The following RPRD1A variants were observed in gnomAD, a reference collection of about 807,000 sequenced individuals.
RPRD1A encodes the protein regulation of nuclear pre-mRNA domain containing 1A.
A neutral mutation model predicts 37.8 loss-of-function variants in RPRD1A; 9 were observed. The ratio of observed to expected loss-of-function variants is 0.24; its 90% CI spans 0.14 to 0.42. RPRD1A has a LOEUF of 0.42. Ranked by LOEUF, RPRD1A falls within the 10% of genes least tolerant of loss-of-function variation. The pLI is 1.00. For missense variants in RPRD1A, 255 were observed against 371.0 expected (o/e 0.69, Z 2.57); for synonymous variants, 138 against 139.7 (o/e 0.99, Z 0.08).
In RPRD1A at chr18:36,033,299, C is replaced by CCAAAA. The variant is rs1348356259; in HGVS notation, c.281+408_281+409insTTTTG. Among the ~76,000 whole-genome samples, 19 of 75,924 alleles carry CCAAAA rather than the reference C, an allele frequency of 2.5e-4. 1 individual carries two copies. The highest frequency in any genetic ancestry group is 1.0e-3 in the African/African-American group (18 of 17,184). The allele number at this position is 75,924 out of a possible 152,430, so 49.8% of individuals were successfully genotyped here. A position where few individuals can be genotyped will look rare whatever the true frequency, so the allele number is the denominator to read the frequency against. ...CCTGGGTGAGAGTGAGACTCTGTCT[C>CCAAAA]AAAAAAAAAAAAAAAAAAAAAAAAA... On this transcript the variant is annotated intron_variant, in intron 2 of 6. Coordinates refer to ENST00000399022, the MANE Select transcript of RPRD1A (RefSeq NM_018170.5).
chr18:36,054,525 G>A (rs1303433695), intron 1 of RPRD1A, among the ~76,000 whole-genome samples: 2 of 152,124 alleles, frequency 1.3e-5, no homozygotes, highest in Non-Finnish European at 2.9e-5. Flanking sequence ...TAAAATGTTA[G>A]TAAATCTAGA....
intron 1 of RPRD1A, among the ~76,000 whole-genome samples, chr18:36,050,185 T>G (rs1170880507): frequency 1.3e-5 from 2 of 151,812 alleles, no homozygotes; most frequent in Admixed American, 1.3e-4. Flanking sequence ...TGAATGTACT[T>G]AACGCCACCG....
rs1348356259 is a variant in RPRD1A at position 36,033,299 on chromosome 18, C to CCAAAAAAAAAAAAAAAAAAAAAAAA, written c.281+408_281+409insTTTTTTTTTTTTTTTTTTTTTTTTG. On this transcript the variant is annotated intron_variant, in intron 2 of 6. Transcript: ENST00000399022. ...CCTGGGTGAGAGTGAGACTCTGTCT[C>CCAAAAAAAAAAAAAAAAAAAAAAAA]AAAAAAAAAAAAAAAAAAAAAAAAA... Among the ~76,000 whole-genome samples the CCAAAAAAAAAAAAAAAAAAAAAAAA allele has an allele frequency of 9.2e-5, 7 of 75,940 alleles. 2 individuals carry two copies. Among genetic ancestry groups the CCAAAAAAAAAAAAAAAAAAAAAAAA allele is most frequent in the Admixed American group, 3.7e-4 (2 of 5,412 alleles). 49.8% of individuals were successfully genotyped at this position (75,940 alleles called of 152,430 possible).
chr18:36,067,233 C>G (rs778319023), intron 1 of RPRD1A, 21 bp downstream of exon 1: 14 of 1,547,844 alleles, frequency 9.0e-6, no homozygotes, highest in Middle Eastern at 1.7e-4. Flanking sequence ...GGGAAGCGGC[C>G]GACATAAGCG....
chr18:36,009,374 T>C (rs1276726041), intron 6 of RPRD1A, among the ~76,000 whole-genome samples: 13 of 152,134 alleles, frequency 8.5e-5, no homozygotes. Flanking sequence ...AAGGAGGATA[T>C]GGAGGGGTTT....
At chr18:36,058,660 A>T (rs114132610) in intron 1 of RPRD1A, among the ~76,000 whole-genome samples, 3,128 of 152,284 alleles carry the variant, frequency 0.021, 106 homozygotes, top group Admixed American at 0.084. Flanking sequence ...GCTTAAGGCA[A>T]AGCAATGTAT....
chr18:36,049,562 C>T (rs1443154247), intron 1 of RPRD1A, among the ~76,000 whole-genome samples: 1 of 152,156 alleles, frequency 6.6e-6, no homozygotes, highest in Non-Finnish European at 1.5e-5. Flanking sequence ...TAGAATCATA[C>T]AATTTGTTCT....
chr18:35,998,692 A>G (rs539106017), intron 6 of RPRD1A, among the ~76,000 whole-genome samples: 1 of 152,214 alleles, frequency 6.6e-6, no homozygotes, highest in East Asian at 1.9e-4. Context: ...AATTTTGCCC[A>G]TCTGTCATAA....
intron 1 of RPRD1A, among the ~76,000 whole-genome samples, chr18:36,049,920 T>C (rs1295792394): frequency 6.6e-6 from 1 of 152,182 alleles, no homozygotes; most frequent in Non-Finnish European, 1.5e-5. Context: ...CTGCACCATT[T>C]TATATTCTGA....
chr18:35,993,069 AC>A lies in RPRD1A; in HGVS notation c.*81del. Reference sequence around the variant, plus strand: ...GTTAGTGTTTCTTTCTCAACAATATACAAAAATAACACTACAGGACTATCCA... The same window carrying A: ...GTTAGTGTTTCTTTCTCAACAATATAAAAAATAACACTACAGGACTATCCA... On this transcript the variant is annotated 3_prime_UTR_variant, in exon 7 of 7. Coordinates refer to ENST00000399022, the MANE Select transcript of RPRD1A (RefSeq NM_018170.5). The A allele has an allele frequency of 8.6e-7, 1 of 1,166,806 alleles. No homozygotes were observed. The highest frequency in any genetic ancestry group is 1.2e-6 in the Non-Finnish European group (1 of 863,434). The allele number at this position is 1,166,806 out of a possible 1,614,324, so 72.3% of individuals were successfully genotyped here.
intron 1 of RPRD1A, among the ~76,000 whole-genome samples, chr18:36,053,646 T>C (rs1283142723): frequency 6.6e-6 from 1 of 152,178 alleles, no homozygotes; most frequent in Non-Finnish European, 1.5e-5. Context: ...AGTATTTGTT[T>C]GAATATTTGT....
chr18:36,001,560 A>G (rs1029929961), intron 6 of RPRD1A, among the ~76,000 whole-genome samples: 1 of 152,126 alleles, frequency 6.6e-6, no homozygotes. Context: ...ACATCATTCC[A>G]TAAGGTTTTC....
intron 1 of RPRD1A, chr18:36,064,286 C>G (rs774735588): frequency 2.0e-5 from 3 of 152,526 alleles, no homozygotes; most frequent in Non-Finnish European, 4.4e-5. Flanking sequence ...ACGCGCGGTT[C>G]CGGGTGGGTG....
intron 6 of RPRD1A, among the ~76,000 whole-genome samples, chr18:36,022,618 A>G (rs1911069826): frequency 6.6e-6 from 1 of 152,212 alleles, no homozygotes; most frequent in African/African-American, 2.4e-5. Flanking sequence ...CAATACATCT[A>G]TTTACAGCAT....
chr18:36,028,081 A>G (rs1181501635), intron 4 of RPRD1A: 1 of 152,092 alleles, frequency 6.6e-6, no homozygotes, highest in African/African-American at 2.4e-5. Context: ...AAAACAATTA[A>G]ATTTTATTTT....
chr18:36,033,657 C>T (rs780038599), intron 2 of RPRD1A, 51 bp downstream of exon 2: 4 of 1,499,914 alleles, frequency 2.7e-6, no homozygotes, highest in Non-Finnish European at 9.0e-7. Context: ...AGCAAAAGGA[C>T]ATATGGTACA....
rs568270468 is a variant in RPRD1A at position 36,026,985 on chromosome 18, T to A, written c.704A>T (p.Asp235Val). 6.2e-7 allele frequency: 1 copy of A among 1,614,022 alleles called. No individual in the cohort carries two copies. The highest frequency in any genetic ancestry group is 8.5e-7 in the Non-Finnish European group (1 of 1,179,910). ...DYNGRLAAEI[D>V]DRKQLTRMLA... The stretch of plus-strand genomic sequence containing the variant: ...CATTCGAGTGAGTTGCTTTCTATCA[T>A]CTATTTCTGCCGCCAATCTGCCATT... Residue 235 changes from aspartate to valine, a missense_variant, in exon 6 of 7, where the codon GAT becomes GTT. By Grantham distance (152) the Asp-to-Val change is radical. Transcript: ENST00000399022.
At chr18:36,017,630 T>C (rs1910678586) in intron 6 of RPRD1A, among the ~76,000 whole-genome samples, 1 of 152,238 alleles carries the variant, frequency 6.6e-6, no homozygotes, top group African/African-American at 2.4e-5. Context: ...AAGGACTTCG[T>C]CTCAAGAAAG....
intron 1 of RPRD1A, chr18:36,063,896 C>A (rs2088964884): frequency 6.6e-6 from 1 of 152,254 alleles, no homozygotes; most frequent in African/African-American, 2.4e-5. Context: ...TTACTATCAA[C>A]ACTATCATCA....
Sources: gnomAD v4.1 joint callset for allele counts (sites outside exome capture counted in the v4.1 genomes callset) on GRCh38, gnomAD v4.1.1 for gene constraint, MANE v1.5 for transcripts, NCBI Gene and HGNC (gene_info 2026-07-23, HGNC 2026-07-21) for gene names.